Variants in CCDC150 observed in about 807,000 individuals in gnomAD.
CCDC150 encodes coiled-coil domain containing 150, also known as coiled-coil domain-containing protein 150.
Under a neutral mutation model 156.5 loss-of-function variants are expected in CCDC150, and 151 were observed. The observed-to-expected ratio is 0.97, with a 90% CI of 0.85 to 1.10. The LOEUF (loss-of-function observed/expected upper bound fraction) is 1.10, where lower values mean the gene tolerates loss of function less well. Among genes scored for constraint, CCDC150 ranks in the 50% least tolerant of loss-of-function variants. The pLI is 0.00. For missense variants in CCDC150, 1,312 were observed against 1,268.1 expected (o/e 1.03, Z -0.53); for synonymous variants, 452 against 429.4 (o/e 1.05, Z -0.65).
chr2:196,694,090 CTT>C (rs565795702), intron 13 of CCDC150, among the ~76,000 whole-genome samples: 17 of 113,852 alleles, frequency 1.5e-4, no homozygotes, highest in Middle Eastern at 9.6e-3. Context: ...GAGTTTCGCT[CTT>C]GTTACCCAGG....
chr2:196,723,969 TAA>T (rs956608014), intron 21 of CCDC150, among the ~76,000 whole-genome samples: 6 of 152,306 alleles, frequency 3.9e-5, no homozygotes, highest in African/African-American at 1.4e-4. Flanking sequence ...GGACCATGAT[TAA>T]AGATTATGGA....
Position 196,646,380 on chromosome 2 carries a change from C to T in CCDC150, c.52C>T (p.Pro18Ser). Residue 18 changes from proline to serine, a missense_variant, in exon 2 of 28, where the codon CCA becomes TCA. Transcript: ENST00000389175. ...TACAGTGTCCAGACCGGTCCTTTCT[C>T]CAACCCACATCAACGCTACAGCTTC... The part of the protein sequence containing the change: ...ETTVSRPVLS[P>S]THINATASET... 3 of 1,613,880 alleles carry T rather than the reference C, an allele frequency of 1.9e-6. No homozygotes were observed. Among genetic ancestry groups the T allele is most frequent in the Non-Finnish European group, 2.5e-6 (3 of 1,179,776 alleles).
At chr2:196,663,447 A>G (rs1397837956) in intron 5 of CCDC150, among the ~76,000 whole-genome samples, 1 of 151,398 alleles carries the variant, frequency 6.6e-6, no homozygotes, top group Non-Finnish European at 1.5e-5. Context: ...GAAAATTTTA[A>G]TACATAGTAC....
At chr2:196,680,721 T>C (rs1694767437) in intron 13 of CCDC150, among the ~76,000 whole-genome samples, 1 of 152,204 alleles carries the variant, frequency 6.6e-6, no homozygotes, top group Non-Finnish European at 1.5e-5. Flanking sequence ...TGTTTTCAGT[T>C]GTCCGAGGTA....
chr2:196,646,456 C>T lies in CCDC150; in HGVS notation c.128C>T (p.Thr43Ile). 6.2e-7 allele frequency: 1 copy of T among 1,613,670 alleles called. No homozygotes were observed. Among genetic ancestry groups the T allele is most frequent in the Non-Finnish European group, 8.5e-7 (1 of 1,179,670 alleles). The change falls in exon 2 of 28, where the codon ACC becomes ATC. Residue 43 changes from threonine to isoleucine, a missense_variant. By Grantham distance (89) the Thr-to-Ile change is moderately conservative. Transcript: ENST00000389175. ...AGGATGAGAATAGTTGAGGAACAGA[C>T]CAGTTCACTGAGGGATGACCTAATA... Reference protein sequence around the residue: ...QQRMRIVEEQTSSLRDDLIML... With the variant: ...QQRMRIVEEQISSLRDDLIML...
chr2:196,659,875 A>G (rs943487667), intron 5 of CCDC150, among the ~76,000 whole-genome samples: 1 of 152,172 alleles, frequency 6.6e-6, no homozygotes, highest in African/African-American at 2.4e-5. Flanking sequence ...CATGCTGTAA[A>G]GTGCTATGGG....
intron 9 of CCDC150, among the ~76,000 whole-genome samples, chr2:196,672,932 TCAC>T (rs1369317274): frequency 6.6e-6 from 1 of 152,134 alleles, no homozygotes; most frequent in East Asian, 1.9e-4. Context: ...CAACAAAAAG[TCAC>T]CAGATATGCA....
At chr2:196,640,551 T>C (rs1428449000) in intron 1 of CCDC150, among the ~76,000 whole-genome samples, 1 of 152,260 alleles carries the variant, frequency 6.6e-6, no homozygotes, top group East Asian at 1.9e-4. Flanking sequence ...ATCTTTCATG[T>C]TTTAAATTTG....
At chr2:196,686,860 A>G (rs1273662961) in intron 13 of CCDC150, among the ~76,000 whole-genome samples, 1 of 152,102 alleles carries the variant, frequency 6.6e-6, no homozygotes, top group Non-Finnish European at 1.5e-5. Flanking sequence ...AGAACATGCA[A>G]CATTTGGTTT....
intron 26 of CCDC150, 97 bp from the exon 27 acceptor site, chr2:196,731,936 T>A (rs1698542061): frequency 8.8e-7 from 1 of 1,141,188 alleles, no homozygotes. Flanking sequence ...AGAATTTGGG[T>A]CTTTTAATTT....
intron 18 of CCDC150, 100 bp downstream of exon 18, chr2:196,718,731 A>G: frequency 7.0e-7 from 1 of 1,422,992 alleles, no homozygotes; most frequent in Non-Finnish European, 9.4e-7. Context: ...CATTAGAATA[A>G]GGATTGATCA....
chr2:196,646,570 T>A, intron 2 of CCDC150, 66 bp downstream of exon 2: 1 of 1,237,258 alleles, frequency 8.1e-7, no homozygotes, highest in South Asian at 1.3e-5. Context: ...TAAGTCACAG[T>A]AGTTTGGCAG....
chr2:196,726,016 G>A lies in CCDC150; in HGVS notation c.2473G>A (p.Ala825Thr). Reference protein sequence around the residue: ...EESKVEAELHAERIEALRKQF... With the variant: ...EESKVEAELHTERIEALRKQF... ...GTCCAAAGTGGAAGCAGAATTGCATGCTGAACGCATAGAAGCTCTAAGAAA... is the reference window on the plus strand; with the variant it reads ...GTCCAAAGTGGAAGCAGAATTGCATACTGAACGCATAGAAGCTCTAAGAAA... The change falls in exon 22 of 28, where the codon GCT becomes ACT. Residue 825 changes from alanine to threonine, a missense_variant. Physicochemically the swap from Ala to Thr is moderately conservative, Grantham distance 58 (BLOSUM62 0). Transcript: ENST00000389175. 1 of 1,606,986 alleles carries A rather than the reference G, an allele frequency of 6.2e-7. No individual in the cohort carries two copies. Among genetic ancestry groups the A allele is most frequent in the Non-Finnish European group, 8.5e-7 (1 of 1,176,484 alleles).
chr2:196,687,563 G>T (rs1695191319), intron 13 of CCDC150, among the ~76,000 whole-genome samples: 1 of 152,026 alleles, frequency 6.6e-6, no homozygotes, highest in East Asian at 1.9e-4. Context: ...GTTTACTCTG[G>T]TGATAGTTTC....
In CCDC150 at chr2:196,666,707, A is replaced by T; in HGVS notation, c.763-12A>T. ...ATCTCACAGAAAAAGAGTTTTTCTTATACAATTTCAGGTGCACATTTTGCA... is the reference window on the plus strand; with the variant it reads ...ATCTCACAGAAAAAGAGTTTTTCTTTTACAATTTCAGGTGCACATTTTGCA... On this transcript the variant is annotated splice_polypyrimidine_tract_variant and intron_variant, in intron 6 of 27. Transcript: ENST00000389175. The T allele has an allele frequency of 6.3e-7, 1 of 1,581,358 alleles. No individual in the cohort carries two copies. Among genetic ancestry groups the T allele is most frequent in the Non-Finnish European group, 8.6e-7 (1 of 1,166,312 alleles).
At chr2:196,679,542 G>C (rs1694697025) in intron 13 of CCDC150, among the ~76,000 whole-genome samples, 1 of 152,148 alleles carries the variant, frequency 6.6e-6, no homozygotes, top group Non-Finnish European at 1.5e-5. Flanking sequence ...ACCAACTGAA[G>C]GACATTTGGT....
intron 17 of CCDC150, among the ~76,000 whole-genome samples, chr2:196,715,581 C>T (rs902459898): frequency 7.2e-5 from 11 of 152,118 alleles, no homozygotes; most frequent in African/African-American, 2.2e-4. Context: ...GTTTGATGAA[C>T]GTTTTCTTTT....
intron 13 of CCDC150, among the ~76,000 whole-genome samples, chr2:196,691,897 C>T (rs1043689312): frequency 4.6e-5 from 7 of 151,984 alleles, no homozygotes; most frequent in Non-Finnish European, 1.0e-4. Context: ...GCTGAGATTG[C>T]GCCACTGCAC....
At chr2:196,688,344 T>C (rs554459881) in intron 13 of CCDC150, among the ~76,000 whole-genome samples, 2 of 152,310 alleles carry the variant, frequency 1.3e-5, no homozygotes, top group Admixed American at 6.5e-5. Context: ...CTAGGTATTT[T>C]ATTCTTTTTG....
Sources: gnomAD v4.1 joint callset for allele counts (sites outside exome capture counted in the v4.1 genomes callset) on GRCh38, gnomAD v4.1.1 for gene constraint, MANE v1.5 for transcripts, NCBI Gene and HGNC (gene_info 2026-07-23, HGNC 2026-07-21) for gene names.